The following ABHD16A variants were observed in gnomAD, a reference collection of about 807,000 sequenced individuals.
ABHD16A encodes the protein phosphatidylserine lipase ABHD16A.
A neutral mutation model predicts 89.8 loss-of-function variants in ABHD16A; 47 were observed. That is an observed-to-expected ratio of 0.52 (90% CI 0.41 to 0.67). ABHD16A has a LOEUF of 0.67. Among genes scored for constraint, ABHD16A ranks in the 30% least tolerant of loss-of-function variants. The pLI is 0.00. For missense variants in ABHD16A, 580 were observed against 734.6 expected (o/e 0.79, Z 2.43); for synonymous variants, 251 against 280.4 (o/e 0.90, Z 1.05).
At position 31,687,949 on chromosome 6, in the gene ABHD16A, C is replaced by T. The variant is rs1159887772; in HGVS notation, c.1371-49G>A. On this transcript the variant is annotated intron_variant, in intron 16 of 19. Transcript: ENST00000395952. This position sits in a 1 kb window ranked among gnomAD's most constrained non-coding sequence, Gnocchi z 6.3. ...GTCAGGGCTGATTTTTTTTCATTCA[C>T]CATCCCTGAACCTTCCTCCCTCCTT... 3.1e-6 allele frequency: 5 copies of T among 1,612,312 alleles called. No individual in the cohort carries two copies. In the Admixed American group the frequency reaches 6.7e-5, roughly 21 times the overall value.
Position 31,688,066 on chromosome 6 carries a change from G to T in ABHD16A, c.1345C>A (p.Leu449Ile). The change falls in exon 16 of 20, where the codon CTC (leucine) becomes ATC (isoleucine). Residue 449 changes from leucine to isoleucine, a missense_variant. Around this residue, in one of 2 missense-constraint regions of ABHD16A, gnomAD observed 415 missense variants for 568.8 expected, o/e 0.73. Transcript: ENST00000395952. The surrounding 1 kb of genome is among the most constrained non-coding windows in gnomAD (Gnocchi z 4.9). ...CGATGCTGCAGGAGCTTCAGCAGGA[G>T]GTCATTGCCTCGGTTGGACATGATG... ...EDIMSNRGND[L>I]LLKLLQHRYP... The T allele has an allele frequency of 6.2e-7, 1 of 1,613,212 alleles. No homozygotes were observed. Among genetic ancestry groups the T allele is most frequent in the East Asian group, 2.2e-5 (1 of 44,856 alleles).
intron 9 of ABHD16A, 200 bp downstream of exon 9, chr6:31,691,378 TC>T (rs1306462160): frequency 1.1e-5 from 6 of 563,716 alleles, no homozygotes; most frequent in Non-Finnish European, 1.9e-5. Flanking sequence ...TATTAGTTTC[TC>T]GTCCTTGAAC....
rs908937758 is a variant in ABHD16A, at chr6:31,693,471, C to G, written c.430-39G>C. On this transcript the variant is annotated intron_variant, in intron 5 of 19. Coordinates refer to ENST00000395952, the MANE Select transcript of ABHD16A (RefSeq NM_021160.3). The surrounding 1 kb of genome is among the most constrained non-coding windows in gnomAD (Gnocchi z 5.0). ...GAGAGGCAAAGGGGTACTGAGAACTCAGGGGAGGCTCTCCTACCCACCCTC... is the reference window on the plus strand; with the variant it reads ...GAGAGGCAAAGGGGTACTGAGAACTGAGGGGAGGCTCTCCTACCCACCCTC... The G allele has an allele frequency of 6.2e-7, 1 of 1,601,832 alleles. No homozygotes were observed. Among genetic ancestry groups the G allele is most frequent in the African/African-American group, 1.3e-5 (1 of 74,778 alleles).
At position 31,696,877 on chromosome 6, in the gene ABHD16A, T is replaced by G. The variant is rs547876420; in HGVS notation, c.429+71A>C. The G allele has an allele frequency of 5.6e-6, 8 of 1,437,668 alleles. No homozygotes were observed. The African/African-American group carries it at 9.8e-5, about 18-fold the overall frequency. The allele number at this position is 1,437,668 out of a possible 1,614,324, so 89.1% of individuals were successfully genotyped here. On this transcript the variant is annotated intron_variant, in intron 5 of 19. Coordinates refer to ENST00000395952, the MANE Select transcript of ABHD16A (RefSeq NM_021160.3). ...TCCTCTTCCTGCAGAAGCCAGTGTC[T>G]GGTGCTCTGAGGGACAACTGAGAAA...
intron 1 of ABHD16A, chr6:31,702,753 G>A (rs1399588489): frequency 2.6e-6 from 4 of 1,519,486 alleles, no homozygotes; most frequent in Admixed American, 2.3e-5. Flanking sequence ...GATAAAAACA[G>A]AGCCGGGGGA....
At chr6:31,692,840 C>T in intron 7 of ABHD16A, 187 bp downstream of exon 7, 1 of 714,894 alleles carries the variant, frequency 1.4e-6, no homozygotes, top group Non-Finnish European at 2.2e-6. Context: ...GACTCCAGAC[C>T]TCTCTGAGCC....
At chr6:31,695,503 C>T (rs1804299783) in intron 5 of ABHD16A, among the ~76,000 whole-genome samples, 1 of 152,044 alleles carries the variant, frequency 6.6e-6, no homozygotes, top group Non-Finnish European at 1.5e-5. Context: ...GCAGGTGGAT[C>T]ACCTGAGGTC....
At position 31,697,009 on chromosome 6, in the gene ABHD16A, T is replaced by C. The variant is rs775578492; in HGVS notation, c.368A>G (p.Gln123Arg). 6.8e-6 allele frequency: 11 copies of C among 1,612,938 alleles called. No individual in the cohort carries two copies. The highest frequency in any genetic ancestry group is 8.5e-6 in the Non-Finnish European group (10 of 1,180,016). ...CAAGATGGTGATGAACTGCCGGTAC[T>C]GGGGGTTGGTCCAGCGGCCAATGCC... Reference protein sequence around the residue: ...LRGIGRWTNPQYRQFITILEA... With the variant: ...LRGIGRWTNPRYRQFITILEA... Residue 123 changes from glutamine (Q) to arginine (R), a missense_variant, in exon 5 of 20, where the codon CAG becomes CGG. This residue lies in a region of ABHD16A where 165 missense variants were observed against 165.8 expected (regional missense o/e 1.00). Transcript: ENST00000395952.
At chr6:31,695,409 TAC>T (rs1562109607) in intron 5 of ABHD16A, among the ~76,000 whole-genome samples, 2 of 152,170 alleles carry the variant, frequency 1.3e-5, no homozygotes, top group African/African-American at 4.8e-5. Flanking sequence ...GCTGCTGTGA[TAC>T]AGAGAAAACT....
chr6:31,694,682 C>T (rs535354071), intron 5 of ABHD16A, among the ~76,000 whole-genome samples: 8 of 152,028 alleles, frequency 5.3e-5, no homozygotes, highest in African/African-American at 9.7e-5. Context: ...TGAGCCACCG[C>T]GCCCGGCCTA....
In ABHD16A at chr6:31,691,900, G is replaced by A; in HGVS notation, c.645C>T (p.Thr215=). The change falls in exon 8 of 20, where the codon ACC becomes ACT. Residue 215 remains threonine (T), a synonymous_variant. Transcript: ENST00000395952. ...CQITSYLVAH[T]LGRRMLYPGS... is the part of the protein sequence containing the mutation. ...CTGGATACAGCATCCGGCGCCCTAG[G>A]GTGTGCGCCACCAGGTAGCTGTGGG... 1.6e-5 allele frequency: 25 copies of A among 1,609,126 alleles called. No individual in the cohort carries two copies. Among genetic ancestry groups the A allele is most frequent in the Non-Finnish European group, 2.1e-5 (25 of 1,178,786 alleles).
chr6:31,702,051 C>T, intron 2 of ABHD16A, 23 bp downstream of exon 2: 1 of 1,612,968 alleles, frequency 6.2e-7, no homozygotes. Flanking sequence ...GATGCAGAGT[C>T]CCAGATGCCA....
intron 3 of ABHD16A, 93 bp from the exon 4 acceptor site, chr6:31,701,121 G>T (rs528055660): frequency 1.5e-6 from 2 of 1,351,748 alleles, no homozygotes; most frequent in African/African-American, 1.4e-5. Context: ...CACACTCCCT[G>T]TTTGGAACAG....
chr6:31,687,701 C>T lies in ABHD16A; in HGVS notation c.1487G>A (p.Cys496Tyr), dbSNP rs1248542344. Residue 496 changes from cysteine to tyrosine, a missense_variant, in exon 18 of 20, where the codon TGT becomes TAT. Physicochemically the swap from Cys to Tyr is radical, Grantham distance 194 (BLOSUM62 -2). Coordinates refer to ENST00000395952, the MANE Select transcript of ABHD16A (RefSeq NM_021160.3). The surrounding 1 kb of genome is among the most constrained non-coding windows in gnomAD (Gnocchi z 6.3). ...YSRWEVEEDW[C>Y]LSVLRSYQAE... Reference sequence around the variant, plus strand: ...CTGGTAGGAGCGGAGGACAGACAGACACCAGTCCTCTTCCACCTCCCATCG... The same window carrying T: ...CTGGTAGGAGCGGAGGACAGACAGATACCAGTCCTCTTCCACCTCCCATCG... 1.9e-6 allele frequency: 3 copies of T among 1,612,892 alleles called. No individual in the cohort carries two copies. The highest frequency in any genetic ancestry group is 2.5e-6 in the Non-Finnish European group (3 of 1,179,930).
rs549698751 is a variant in ABHD16A, at chr6:31,687,995, C to A, written c.1370+46G>T. The A allele has an allele frequency of 6.8e-6, 11 of 1,611,952 alleles. No individual in the cohort carries two copies. On this transcript the variant is annotated intron_variant, in intron 16 of 19. Transcript: ENST00000395952. This position sits in a 1 kb window ranked among gnomAD's most constrained non-coding sequence, Gnocchi z 6.3. ...TCCTTCCCTGTGCTGGTATCAGTAT[C>A]TGTGTGTGTACACTGCCCCCAGCGC...
At position 31,687,596 on chromosome 6, in the gene ABHD16A, T is replaced by C. The variant is rs761962324; in HGVS notation, c.1546+46A>G. Reference sequence around the variant, plus strand: ...GCCACACATCTGGGTATTCATCCCCTTCCTAGGCCCTTCCCACCCTCTCTC... The same window carrying C: ...GCCACACATCTGGGTATTCATCCCCCTCCTAGGCCCTTCCCACCCTCTCTC... On this transcript the variant is annotated intron_variant, in intron 18 of 19. Transcript: ENST00000395952. This position sits in a 1 kb window ranked among gnomAD's most constrained non-coding sequence, Gnocchi z 6.3. 2.5e-6 allele frequency: 4 copies of C among 1,612,832 alleles called. No homozygotes were observed. In the South Asian group the frequency reaches 3.3e-5, roughly 13 times the overall value.
rs1223239617 is a variant in ABHD16A at position 31,690,711 on chromosome 6, C to A, written c.844-109G>T. 4 of 971,786 alleles carry A rather than the reference C, an allele frequency of 4.1e-6. No homozygotes were observed. In the South Asian group the frequency reaches 5.3e-5, roughly 13 times the overall value. The allele number at this position is 971,786 out of a possible 1,614,324, so 60.2% of individuals were successfully genotyped here. A position where few individuals can be genotyped will look rare whatever the true frequency, so the allele number is the denominator to read the frequency against. The stretch of plus-strand genomic sequence containing the variant: ...GAGCTTTGCAGGGAAGAGGAAAGGG[C>A]AGGTTTCTGTTTTCTCCAAGGGGAA... On this transcript the variant is annotated intron_variant, in intron 9 of 19. Transcript: ENST00000395952. The surrounding 1 kb of genome is among the most constrained non-coding windows in gnomAD (Gnocchi z 4.1).
In ABHD16A at chr6:31,690,555, G is replaced by C. The variant is rs756855546; in HGVS notation, c.891C>G (p.Val297=). ...GNAGFYEVGC[V]STPLEAGYSV... is the part of the protein sequence containing the mutation. ...CCGTCCTACCTTCCAGGGGCGTGGA[G>C]ACGCAGCCCACCTCATAAAACCCAG... Residue 297 remains valine, a synonymous_variant, in exon 10 of 20, where the codon GTC becomes GTG. Transcript: ENST00000395952. This position sits in a 1 kb window ranked among gnomAD's most constrained non-coding sequence, Gnocchi z 4.1. 6.2e-7 allele frequency: 1 copy of C among 1,613,024 alleles called. No individual in the cohort carries two copies. The highest frequency in any genetic ancestry group is 8.5e-7 in the Non-Finnish European group (1 of 1,180,010).
rs745383540 is a variant in ABHD16A, at chr6:31,703,276, C to G, written c.6G>C (p.Ala2=). 2.2e-6 allele frequency: 3 copies of G among 1,351,700 alleles called. No individual in the cohort carries two copies. The South Asian group carries it at 6.4e-5, about 29-fold the overall frequency. The allele number at this position is 1,351,700 out of a possible 1,614,324, so 83.7% of individuals were successfully genotyped here. The change falls in exon 1 of 20, where the codon GCG becomes GCC. Residue 2 remains alanine, a synonymous_variant. Transcript: ENST00000395952. M[A]KLLSCVLGPR... is the part of the protein sequence containing the mutation. ...GGCCTAGGACGCAGCTCAGCAGCTT[C>G]GCCATGGCCCCGGCTCGGGCCGCTG...
Sources: gnomAD v4.1 joint callset for allele counts (sites outside exome capture counted in the v4.1 genomes callset) on GRCh38, gnomAD v4.1.1 for gene constraint, gnomAD v4.1.1 regional missense constraint, Gnocchi (gnomAD v3.1) non-coding constraint, MANE v1.5 for transcripts, NCBI Gene and HGNC (gene_info 2026-07-23, HGNC 2026-07-21) for gene names.